Variants in KIFC3 observed in about 807,000 individuals in gnomAD.
KIFC3 encodes the protein kinesin family member C3.
A neutral mutation model predicts 101.8 loss-of-function variants in KIFC3; 60 were observed. The ratio of observed to expected loss-of-function variants is 0.59; its 90% CI spans 0.48 to 0.73. The LOEUF (loss-of-function observed/expected upper bound fraction) is 0.73, where lower values mean the gene tolerates loss of function less well. Ranked by LOEUF, KIFC3 falls within the 30% of genes least tolerant of loss-of-function variation. The probability of loss-of-function intolerance (pLI) is 0.00; values close to 1 mark genes in which losing one functional copy is unlikely to be tolerated. For missense variants in KIFC3, 966 were observed against 1,137.1 expected, an observed-to-expected ratio of 0.85 and a Z score of 2.16; for synonymous variants, 476 against 482.7, an observed-to-expected ratio of 0.99 and a Z score of 0.18.
At position 57,798,548 on chromosome 16, in the gene KIFC3, G is replaced by A; in HGVS notation, c.-39-266C>T. ...GCTGTGCCTGAGACCCCACACCTGA[G>A]CCCTTCCCAGCTGAGCCTGGAGCCT... On this transcript the variant is annotated intron_variant, in intron 1 of 19. Transcript: ENST00000445690. The A allele has an allele frequency of 7.5e-6, 4 of 536,378 alleles. No homozygotes were observed. The Admixed American group carries it at 1.1e-4, about 14-fold the overall frequency. 33.2% of individuals were successfully genotyped at this position (536,378 alleles called of 1,614,324 possible).
At chr16:57,788,530 T>C (rs1413775424) in intron 3 of KIFC3, 3 of 1,265,906 alleles carry the variant, frequency 2.4e-6, no homozygotes, top group Non-Finnish European at 3.1e-6. Flanking sequence ...CCTCCTGCGC[T>C]GGCTTCACTG....
chr16:57,855,016 T>C (rs1426467583), intron 1 of KIFC3, among the ~76,000 whole-genome samples: 1 of 152,082 alleles, frequency 6.6e-6, no homozygotes, highest in African/African-American at 2.4e-5. Flanking sequence ...GGCTTGGAGT[T>C]TGAGATGAGC....
In KIFC3 at chr16:57,773,511, G is replaced by A. The variant is rs1270358918; in HGVS notation, c.316-1223C>T. Among the ~76,000 whole-genome samples, 7 of 152,078 alleles carry A rather than the reference G, an allele frequency of 4.6e-5. No homozygotes were observed. The East Asian group carries it at 9.6e-4, about 21-fold the overall frequency. On this transcript the variant is annotated intron_variant, in intron 3 of 19. Transcript: ENST00000445690. ...CTACAAAAAGTTTCAAAACTCAGCC[G>A]AGTGCACCAGTGCACGCTTATAATC...
chr16:57,855,923 G>T (rs1471768047), intron 1 of KIFC3, among the ~76,000 whole-genome samples: 3 of 149,164 alleles, frequency 2.0e-5, no homozygotes, highest in Non-Finnish European at 4.4e-5. Flanking sequence ...TCCAGCCTGG[G>T]TGACAGAGTG....
chr16:57,770,827 AGAG>A, intron 6 of KIFC3, 127 bp from the exon 7 acceptor site: 1 of 847,014 alleles, frequency 1.2e-6, no homozygotes. Context: ...GAAAAAAACT[AGAG>A]GAGCCTTGAG....
In KIFC3 at chr16:57,760,798, G is replaced by A. The variant is rs782524984; in HGVS notation, c.2160C>T (p.Phe720=). ...GCAGGTAGGTGAGCTTGGAGTTGCG[G>A]AAGGGCACGTGGCCCTGGCGGGAGC... ...ALRSRQGHVP[F]RNSKLTYLLQ... Residue 720 remains phenylalanine (F), a synonymous_variant, in exon 16 of 20, where the codon TTC becomes TTT. Coordinates refer to ENST00000445690, the MANE Select transcript of KIFC3 (RefSeq NM_001130100.2). 1 of 1,613,824 alleles carries A rather than the reference G, an allele frequency of 6.2e-7. No homozygotes were observed. The highest frequency in any genetic ancestry group is 8.5e-7 in the Non-Finnish European group (1 of 1,180,008).
intron 1 of KIFC3, among the ~76,000 whole-genome samples, chr16:57,843,768 T>A (rs375654645): frequency 2.0e-5 from 3 of 152,186 alleles, no homozygotes; most frequent in African/African-American, 7.2e-5. Context: ...CCTTTAGACA[T>A]GTTTGCAAGG....
chr16:57,793,154 G>A (rs1555621001), intron 3 of KIFC3, among the ~76,000 whole-genome samples: 1 of 151,382 alleles, frequency 6.6e-6, no homozygotes, highest in Non-Finnish European at 1.5e-5. Context: ...AGGTGTGGTG[G>A]CACATGCCTG....
rs552660493 is a variant in KIFC3 at position 57,798,514 on chromosome 16, T to A, written c.-39-232A>T. On this transcript the variant is annotated intron_variant, in intron 1 of 19. Transcript: ENST00000445690. ...TACGGAGGCTCCGAAGTGCGAAAGTTGCATATCAGCTGTGCCTGAGACCCC... is the reference window on the plus strand; with the variant it reads ...TACGGAGGCTCCGAAGTGCGAAAGTAGCATATCAGCTGTGCCTGAGACCCC... 235 of 581,090 alleles carry A rather than the reference T, an allele frequency of 4.0e-4. 1 individual carries two copies. The African/African-American group carries it at 4.3e-3, about 11-fold the overall frequency. 36.0% of individuals were successfully genotyped at this position (581,090 alleles called of 1,614,324 possible).
chr16:57,771,793 TGGAGAAAGGCAGAGGGAA>T, intron 4 of KIFC3, 107 bp from the exon 5 acceptor site: 1 of 1,337,718 alleles, frequency 7.5e-7, no homozygotes, highest in Non-Finnish European at 1.0e-6. Context: ...AGGAGAGGTG[TGGAGAAAGGCAGAGGGAA>T]GGAGAAAAAG....
chr16:57,822,025 G>C (rs2055361133), intron 1 of KIFC3, among the ~76,000 whole-genome samples: 1 of 152,160 alleles, frequency 6.6e-6, no homozygotes, highest in Non-Finnish European at 1.5e-5. Flanking sequence ...GCAGTGAGCT[G>C]TGATGGAGCC....
intron 9 of KIFC3, among the ~76,000 whole-genome samples, chr16:57,768,533 A>ACACACACACACACACACACACGCACG (rs782552995): frequency 2.0e-5 from 3 of 151,582 alleles, no homozygotes; most frequent in African/African-American, 7.3e-5. Context: ...ACACACACAC[A>ACACACACACACACACACACACGCACG]CACGCACAAT....
chr16:57,845,328 G>C (rs534331762), intron 1 of KIFC3, among the ~76,000 whole-genome samples: 2 of 152,096 alleles, frequency 1.3e-5, no homozygotes, highest in African/African-American at 2.4e-5. Flanking sequence ...GATAGTCCTT[G>C]ACCAGCTGCA....
chr16:57,788,737 T>A, intron 3 of KIFC3: 1 of 1,288,958 alleles, frequency 7.8e-7, no homozygotes, highest in Non-Finnish European at 1.0e-6. Flanking sequence ...ACCAGAATCC[T>A]CACGTGAAGG....
chr16:57,770,534 C>A lies in KIFC3; in HGVS notation c.932G>T (p.Arg311Leu). Residue 311 changes from arginine (R) to leucine (L), a missense_variant, in exon 7 of 20, where the codon CGG becomes CTG. Around this residue, in one of 2 missense-constraint regions of KIFC3, gnomAD observed 689 missense variants for 884.6 expected, o/e 0.78. Transcript: ENST00000445690. ...CCCACACAGCCTGGGTACCTGCGCCCGGAGCCGCGCGGTCAGCTGGTGTGA... is the reference window on the plus strand; with the variant it reads ...CCCACACAGCCTGGGTACCTGCGCCAGGAGCCGCGCGGTCAGCTGGTGTGA... Reference protein sequence around the residue: ...QSSHQLTARLRAQIAMYESEL... With the variant: ...QSSHQLTARLLAQIAMYESEL... The A allele has an allele frequency of 1.4e-6, 2 of 1,437,606 alleles. No homozygotes were observed. The highest frequency in any genetic ancestry group is 2.8e-5 in the East Asian group (1 of 35,592). The allele number at this position is 1,437,606 out of a possible 1,614,324, so 89.1% of individuals were successfully genotyped here. A position where few individuals can be genotyped will look rare whatever the true frequency, so the allele number is the denominator to read the frequency against.
chr16:57,812,352 T>TAAA (rs71152299), intron 1 of KIFC3, among the ~76,000 whole-genome samples: 13 of 137,588 alleles, frequency 9.4e-5, no homozygotes, highest in African/African-American at 2.7e-4. Context: ...CCCCATCTCT[T>TAAA]AAAAAAAAAA....
chr16:57,778,722 T>C (rs2052399140), intron 3 of KIFC3, among the ~76,000 whole-genome samples: 1 of 152,108 alleles, frequency 6.6e-6, no homozygotes, highest in African/African-American at 2.4e-5. Context: ...CACTATGAGA[T>C]ACCACTGCAC....
chr16:57,862,059 A>G (rs1959313473), intron 1 of KIFC3, among the ~76,000 whole-genome samples: 1 of 152,108 alleles, frequency 6.6e-6, no homozygotes, highest in Non-Finnish European at 1.5e-5. Flanking sequence ...AACAAGGATG[A>G]GCTTCTGGAA....
intron 1 of KIFC3, among the ~76,000 whole-genome samples, chr16:57,812,289 G>T (rs1361313767): frequency 6.7e-6 from 1 of 150,086 alleles, no homozygotes; most frequent in Admixed American, 6.6e-5. Context: ...TGATCTGCCC[G>T]CCTCAGCCTC....
Sources: gnomAD v4.1 joint callset for allele counts (sites outside exome capture counted in the v4.1 genomes callset) on GRCh38, gnomAD v4.1.1 for gene constraint, gnomAD v4.1.1 regional missense constraint, MANE v1.5 for transcripts, NCBI Gene and HGNC (gene_info 2026-07-23, HGNC 2026-07-21) for gene names.